ENTREP2: variants seen among roughly 807,000 people sequenced by gnomAD.
The protein encoded by ENTREP2 is protein ENTREP2.
At chr15:29,595,098 T>A in the ENTREP2 span, among the ~76,000 whole-genome samples, 5,126 of 80,426 alleles carry the variant, frequency 0.064, 91 homozygotes, top group Non-Finnish European at 0.085. Flanking sequence ...AAAAAAAAAA[T>A]TTAAAATTAG....
At chr15:29,517,733 G>C in the ENTREP2 span, among the ~76,000 whole-genome samples, 1 of 152,058 alleles carries the variant, frequency 6.6e-6, no homozygotes, top group Non-Finnish European at 1.5e-5. Context: ...CAATGTCTAT[G>C]AGGGGTTATT....
the ENTREP2 span, among the ~76,000 whole-genome samples, chr15:29,331,896 G>A: frequency 6.6e-6 from 1 of 152,336 alleles, no homozygotes; most frequent in South Asian, 2.1e-4. Context: ...CAGTGCAGCT[G>A]AGGTGATGGA....
chr15:29,340,754 C>T, the ENTREP2 span, among the ~76,000 whole-genome samples: 3 of 152,060 alleles, frequency 2.0e-5, no homozygotes, highest in Non-Finnish European at 4.4e-5. Flanking sequence ...GGAGATCTGG[C>T]AAGGTGGCCG....
chr15:29,482,198 T>C, the ENTREP2 span, among the ~76,000 whole-genome samples: 71,482 of 146,492 alleles, frequency 0.49, 18,222 homozygotes, highest in African/African-American at 0.65. Flanking sequence ...TTAGTAGAGA[T>C]GGGATTTCAC....
the ENTREP2 span, among the ~76,000 whole-genome samples, chr15:29,187,672 A>T: frequency 6.6e-6 from 1 of 152,326 alleles, no homozygotes; most frequent in East Asian, 1.9e-4. Context: ...CCAGACACAG[A>T]AGAGGTGCTC....
chr15:29,193,193 T>C, the ENTREP2 span, among the ~76,000 whole-genome samples: 1 of 152,138 alleles, frequency 6.6e-6, no homozygotes. Flanking sequence ...GGATGAAGGA[T>C]ACTCGAGAAC....
At chr15:29,125,977 C>G in the ENTREP2 span, among the ~76,000 whole-genome samples, 1 of 152,198 alleles carries the variant, frequency 6.6e-6, no homozygotes, top group African/African-American at 2.4e-5. Context: ...TAGGCCTTTT[C>G]TGGGCCCTGG....
the ENTREP2 span, among the ~76,000 whole-genome samples, chr15:29,517,039 T>A: frequency 1.3e-5 from 2 of 149,004 alleles, no homozygotes; most frequent in African/African-American, 5.0e-5. Context: ...ATAAAGAAGT[T>A]AGAAATGGCC....
At chr15:29,497,522 T>G in the ENTREP2 span, among the ~76,000 whole-genome samples, 2 of 152,182 alleles carry the variant, frequency 1.3e-5, no homozygotes, top group African/African-American at 2.4e-5. Flanking sequence ...TAAGTCTTTG[T>G]AGGTTGTGTG....
the ENTREP2 span, among the ~76,000 whole-genome samples, chr15:29,160,875 G>C: frequency 6.6e-6 from 1 of 152,028 alleles, no homozygotes; most frequent in East Asian, 1.9e-4. Flanking sequence ...CCTATTATCA[G>C]TCAAGATATA....
At chr15:29,604,014 C>A in the ENTREP2 span, among the ~76,000 whole-genome samples, 1 of 151,882 alleles carries the variant, frequency 6.6e-6, no homozygotes, top group Admixed American at 6.6e-5. Flanking sequence ...AGATTTCTCA[C>A]CAAGAATTTA....
the ENTREP2 span, among the ~76,000 whole-genome samples, chr15:29,531,517 T>C: frequency 1.3e-5 from 2 of 152,130 alleles, no homozygotes; most frequent in African/African-American, 4.8e-5. Flanking sequence ...GGGCCAACCA[T>C]GGGGACGGAA....
chr15:29,229,819 C>T, the ENTREP2 span, among the ~76,000 whole-genome samples: 1 of 152,152 alleles, frequency 6.6e-6, no homozygotes, highest in South Asian at 2.1e-4. Context: ...ACAATCTCAT[C>T]CACTCCCATG....
the ENTREP2 span, among the ~76,000 whole-genome samples, chr15:29,412,113 T>C: frequency 2.6e-5 from 4 of 152,112 alleles, no homozygotes; most frequent in Non-Finnish European, 4.4e-5. Flanking sequence ...ACAAAAACAT[T>C]TGTCAGGATT....
the ENTREP2 span, among the ~76,000 whole-genome samples, chr15:29,258,212 C>CAAAAAAAAAAAAAAA: frequency 5.1e-5 from 6 of 118,322 alleles, no homozygotes; most frequent in East Asian, 2.5e-4. Flanking sequence ...GGCTCAGTCT[C>CAAAAAAAAAAAAAAA]AAAAAAAAAA....
chr15:29,308,463 C>A, the ENTREP2 span, among the ~76,000 whole-genome samples: 56 of 152,330 alleles, frequency 3.7e-4, no homozygotes, highest in African/African-American at 1.3e-3. Context: ...AGCAGAGACT[C>A]GGCACAGTGC....
chr15:29,221,834 G>A, the ENTREP2 span, among the ~76,000 whole-genome samples: 1 of 152,130 alleles, frequency 6.6e-6, no homozygotes, highest in Admixed American at 6.5e-5. Context: ...CCACCACAGA[G>A]ACCCAAGCAA....
the ENTREP2 span, among the ~76,000 whole-genome samples, chr15:29,515,409 A>T: frequency 6.6e-6 from 1 of 152,194 alleles, no homozygotes; most frequent in Non-Finnish European, 1.5e-5. Context: ...TAAGACTGGC[A>T]ACAAATCGGA....
chr15:29,338,903 C>CCA, the ENTREP2 span, among the ~76,000 whole-genome samples: 1 of 151,902 alleles, frequency 6.6e-6, no homozygotes, highest in Non-Finnish European at 1.5e-5. Context: ...TAATACTCCC[C>CCA]ACTCAGTTTC....
Sources: gnomAD v4.1 joint callset for allele counts (sites outside exome capture counted in the v4.1 genomes callset) on GRCh38, gnomAD v4.1.1 for gene constraint, MANE v1.5 for transcripts, NCBI Gene and HGNC (gene_info 2026-07-23, HGNC 2026-07-21) for gene names.